PUSL1: variants seen among roughly 807,000 people sequenced by gnomAD.
PUSL1 encodes the protein pseudouridine synthase like 1, also known as tRNA pseudouridine synthase-like 1.
PUSL1 carries 51 observed loss-of-function variants against 30.7 expected under a neutral mutation model. The ratio of observed to expected loss-of-function variants is 1.66; its 90% CI spans 1.33 to 2.10. The LOEUF (loss-of-function observed/expected upper bound fraction) is 2.10, where lower values mean the gene tolerates loss of function less well. Ranked by LOEUF, PUSL1 falls within the 30% of genes most tolerant of loss-of-function variation. PUSL1 has a pLI of 0.00. For synonymous variants in PUSL1, 290 were observed against 192.1 expected (o/e 1.51, Z -4.21); for missense variants, 609 against 427.6 (o/e 1.42, Z -3.74).
At chr1:1,310,609 C>A in intron 5 of PUSL1, 25 bp from the exon 6 acceptor site, 1 of 1,525,078 alleles carries the variant, frequency 6.6e-7, no homozygotes, top group Non-Finnish European at 8.9e-7. Context: ...GCCCCACAGA[C>A]ACCTACAGGT....
At chr1:1,310,419 G>C (rs1194246674) in intron 5 of PUSL1, 11 of 568,188 alleles carry the variant, frequency 1.9e-5, no homozygotes, top group Middle Eastern at 9.3e-4. Flanking sequence ...CCAGGGTCCT[G>C]CTGCCTCCTT....
intron 1 of PUSL1, 30 bp from the exon 2 acceptor site, chr1:1,308,885 C>T: frequency 7.1e-7 from 1 of 1,412,908 alleles, no homozygotes; most frequent in Non-Finnish European, 9.2e-7. Flanking sequence ...CAGGGCGCCC[C>T]CGGTAACCTC....
intron 6 of PUSL1, 76 bp downstream of exon 6, chr1:1,310,764 G>A (rs1215123651): frequency 1.9e-6 from 3 of 1,612,700 alleles, no homozygotes; most frequent in African/African-American, 1.3e-5. Flanking sequence ...TTGGCTCTGG[G>A]TCGTGGGCGG....
chr1:1,311,294 T>C, intron 7 of PUSL1, 36 bp from the exon 8 acceptor site: 4 of 1,515,906 alleles, frequency 2.6e-6, no homozygotes, highest in Non-Finnish European at 3.5e-6. Context: ...GGGCCGGTCT[T>C]GCCCCAGGCT....
At chr1:1,308,743 C>T (rs540357801) in intron 1 of PUSL1, 23 bp downstream of exon 1, 3 of 1,511,916 alleles carry the variant, frequency 2.0e-6, no homozygotes, top group Admixed American at 2.1e-5. Context: ...GGCGCAGCGG[C>T]GGGCGCCACG....
Position 1,309,910 on chromosome 1 carries a change from C to T in PUSL1, c.644+59C>T, listed in dbSNP as rs550336406. ...TCAAGTCACGTGCTGATTTTAGCTC[C>T]AGCACCTCCCCCAGTTTTAAGGCAA... On this transcript the variant is annotated intron_variant, in intron 5 of 7. Coordinates refer to ENST00000379031, the MANE Select transcript of PUSL1 (RefSeq NM_153339.3). 4.2e-5 allele frequency: 55 copies of T among 1,319,846 alleles called. 1 individual carries two copies. In the South Asian group the frequency reaches 5.7e-4, roughly 14 times the overall value. 81.8% of individuals were successfully genotyped at this position (1,319,846 alleles called of 1,614,324 possible).
At position 1,310,923 on chromosome 1, in the gene PUSL1, G is replaced by T; in HGVS notation, c.714G>T (p.Thr238=). 6.2e-7 allele frequency: 1 copy of T among 1,608,134 alleles called. No individual in the cohort carries two copies. Residue 238 remains threonine (T), a synonymous_variant, in exon 7 of 8, where the codon ACG becomes ACT. Coordinates refer to ENST00000379031, the MANE Select transcript of PUSL1 (RefSeq NM_153339.3). ...CTGGGTCACAGGTACGGAGGATGAC[G>T]GCTGTGCTGGTGGCCGTGGGGCTGG... The part of the protein sequence containing the change: ...SFLYRQVRRM[T]AVLVAVGLGA...
At chr1:1,309,350 G>C (rs1020461126) in intron 3 of PUSL1, 77 bp downstream of exon 3, 1 of 1,465,568 alleles carries the variant, frequency 6.8e-7, no homozygotes, top group African/African-American at 1.4e-5. Context: ...TGGAGATCTG[G>C]ACAGACTTCC....
In PUSL1 at chr1:1,308,677, G is replaced by C; in HGVS notation, c.34G>C (p.Ala12Pro). The change falls in exon 1 of 8, where the codon GCG (alanine) becomes CCG (proline). Residue 12 changes from alanine to proline, a missense_variant. Transcript: ENST00000379031. The part of the protein sequence containing the change: ...SSAPASGSVR[A>P]RYLVYFQYVG... Reference sequence around the variant, plus strand: ...GGCGCCGGCCTCAGGCTCCGTGCGCGCGCGCTATCTTGTGTACTTCCAGTA... The same window carrying C: ...GGCGCCGGCCTCAGGCTCCGTGCGCCCGCGCTATCTTGTGTACTTCCAGTA... 1 of 1,548,498 alleles carries C rather than the reference G, an allele frequency of 6.5e-7. No individual in the cohort carries two copies. Among genetic ancestry groups the C allele is most frequent in the Non-Finnish European group, 8.7e-7 (1 of 1,151,434 alleles).
Position 1,308,630 on chromosome 1 carries a change from G to A in PUSL1, c.-14G>A, listed in dbSNP as rs1462193808. The A allele has an allele frequency of 2.1e-6, 3 of 1,432,646 alleles. No individual in the cohort carries two copies. The highest frequency in any genetic ancestry group is 2.7e-6 in the Non-Finnish European group (3 of 1,093,170). 88.7% of individuals were successfully genotyped at this position (1,432,646 alleles called of 1,614,324 possible). A position where few individuals can be genotyped will look rare whatever the true frequency, so the allele number is the denominator to read the frequency against. ...GCTGGAGGCCGCCTCTGACGCCACC[G>A]GCTGGGCTCCGCCATGAGTTCGGCG... On this transcript the variant is annotated 5_prime_UTR_variant, in exon 1 of 8. Transcript: ENST00000379031.
Position 1,309,607 on chromosome 1 carries a change from A to T in PUSL1, c.473+4A>T, listed in dbSNP as rs374519470. On this transcript the variant is annotated splice_donor_region_variant and intron_variant, in intron 4 of 7. Coordinates refer to ENST00000379031, the MANE Select transcript of PUSL1 (RefSeq NM_153339.3). ...TATGCTGGACTCTCCCGGCAGAGTG[A>T]GTGTGGCCCTGACAGCGGGGAGGGG... 6.2e-6 allele frequency: 10 copies of T among 1,605,732 alleles called. No homozygotes were observed. Among genetic ancestry groups the T allele is most frequent in the South Asian group, 2.2e-5 (2 of 90,952 alleles).
rs1642108648 is a variant in PUSL1, at chr1:1,311,001, G to A, written c.792G>A (p.Leu264=). 6.2e-7 allele frequency: 1 copy of A among 1,612,698 alleles called. No individual in the cohort carries two copies. The highest frequency in any genetic ancestry group is 1.1e-5 in the South Asian group (1 of 91,086). The change falls in exon 7 of 8, where the codon CTG becomes CTA. Residue 264 remains leucine (L), a synonymous_variant. Transcript: ENST00000379031. ...CGATTCTGGAGAGCCAAGATCCCCTGGGCAAGCACCAGACACGTGTAGCCC... is the reference window on the plus strand; with the variant it reads ...CGATTCTGGAGAGCCAAGATCCCCTAGGCAAGCACCAGACACGTGTAGCCC... ...VKTILESQDP[L]GKHQTRVAPA...
Position 1,311,527 on chromosome 1 carries a change from C to T in PUSL1, c.*148C>T, listed in dbSNP as rs77848783. On this transcript the variant is annotated 3_prime_UTR_variant, in exon 8 of 8. Transcript: ENST00000379031. ...CCCGGGTCCCAGCACCCTGGATGCC[C>T]GTCTCTGTCCCAGGCGGGATGGGGC... 1.1e-3 allele frequency: 940 copies of T among 838,622 alleles called. 7 individuals are homozygous for T. The African/African-American group carries it at 0.013, about 12-fold the overall frequency. 51.9% of individuals were successfully genotyped at this position (838,622 alleles called of 1,614,324 possible). A position where few individuals can be genotyped will look rare whatever the true frequency, so the allele number is the denominator to read the frequency against.
chr1:1,309,811 C>G lies in PUSL1; in HGVS notation c.604C>G (p.Pro202Ala). ...AACGCTGCGCCGGGTCTCCGTTTCC[C>G]CAGGCCAAGCCAGCCCCTTGGTCAC... ...VRTLRRVSVS[P>A]GQASPLVTPE... The change falls in exon 5 of 8, where the codon CCA becomes GCA. Residue 202 changes from proline (P) to alanine (A), a missense_variant. Coordinates refer to ENST00000379031, the MANE Select transcript of PUSL1 (RefSeq NM_153339.3). The G allele has an allele frequency of 1.2e-5, 18 of 1,549,070 alleles. No individual in the cohort carries two copies. Among genetic ancestry groups the G allele is most frequent in the Non-Finnish European group, 1.6e-5 (18 of 1,145,794 alleles).
At position 1,309,585 on chromosome 1, in the gene PUSL1, G is replaced by A. The variant is rs371253444; in HGVS notation, c.455G>A (p.Cys152Tyr). Residue 152 changes from cysteine to tyrosine, a missense_variant, in exon 4 of 8, where the codon TGC (cysteine) becomes TAC (tyrosine). By Grantham distance (194) the Cys-to-Tyr change is radical. Coordinates refer to ENST00000379031, the MANE Select transcript of PUSL1 (RefSeq NM_153339.3). ...CTGCCGGTGTTTGAACGCAACCTAT[G>A]CTGGACTCTCCCGGCAGAGTGAGTG... is the stretch of plus-strand genomic sequence containing the variant. ...DELPVFERNL[C>Y]WTLPADCLDM... 1.9e-6 allele frequency: 3 copies of A among 1,611,734 alleles called. No homozygotes were observed. The highest frequency in any genetic ancestry group is 2.5e-6 in the Non-Finnish European group (3 of 1,179,512).
rs751284810 is a variant in PUSL1 at position 1,310,602 on chromosome 1, C to T, written c.645-32C>T. On this transcript the variant is annotated intron_variant, in intron 5 of 7. Transcript: ENST00000379031. ...TAGGCTGAGGATGGCAAACACTGCCCCACAGACACCTACAGGTACGTATTT... is the reference window on the plus strand; with the variant it reads ...TAGGCTGAGGATGGCAAACACTGCCTCACAGACACCTACAGGTACGTATTT... The T allele has an allele frequency of 8.0e-6, 12 of 1,499,676 alleles. No individual in the cohort carries two copies. The African/African-American group carries it at 1.1e-4, about 14-fold the overall frequency. 92.9% of individuals were successfully genotyped at this position (1,499,676 alleles called of 1,614,324 possible).
chr1:1,311,043 C>T lies in PUSL1; in HGVS notation c.834C>T (p.Phe278=), dbSNP rs775514736. The T allele has an allele frequency of 6.3e-5, 101 of 1,611,590 alleles. No individual in the cohort carries two copies. The highest frequency in any genetic ancestry group is 8.0e-5 in the African/African-American group (6 of 74,876). ...GTGTAGCCCCAGCCCACGGCTTATTCCTCAAGTCAGTGCTGTACGGGAACC... is the reference window on the plus strand; with the variant it reads ...GTGTAGCCCCAGCCCACGGCTTATTTCTCAAGTCAGTGCTGTACGGGAACC... ...QTRVAPAHGL[F]LKSVLYGNLG... is the part of the protein sequence containing the mutation. The change falls in exon 7 of 8, where the codon TTC becomes TTT. Residue 278 remains phenylalanine, a synonymous_variant. Transcript: ENST00000379031.
chr1:1,309,098 C>G lies in PUSL1; in HGVS notation c.148C>G (p.Arg50Gly), dbSNP rs924986687. ...VQNYLEEAAE[R>G]LNSVEPVRFT... Reference sequence around the variant, plus strand: ...CTCGGTCCTGCAGGAGGCCGCCGAGCGGCTGAATTCCGTGGAGCCGGTCAG... The same window carrying G: ...CTCGGTCCTGCAGGAGGCCGCCGAGGGGCTGAATTCCGTGGAGCCGGTCAG... The change falls in exon 3 of 8, where the codon CGG (arginine) becomes GGG (glycine). Residue 50 changes from arginine (R) to glycine (G), a missense_variant. Coordinates refer to ENST00000379031, the MANE Select transcript of PUSL1 (RefSeq NM_153339.3). 7 of 1,494,538 alleles carry G rather than the reference C, an allele frequency of 4.7e-6. No individual in the cohort carries two copies. The highest frequency in any genetic ancestry group is 1.5e-5 in the African/African-American group (1 of 68,930). 92.6% of individuals were successfully genotyped at this position (1,494,538 alleles called of 1,614,324 possible). A position where few individuals can be genotyped will look rare whatever the true frequency, so the allele number is the denominator to read the frequency against.
chr1:1,309,383 G>A (rs1338752126), intron 3 of PUSL1, 71 bp from the exon 4 acceptor site: 23 of 1,502,424 alleles, frequency 1.5e-5, no homozygotes, highest in Non-Finnish European at 1.8e-5. Context: ...AGCTCGAGGG[G>A]GAAGGAGAGC....
Sources: gnomAD v4.1 joint callset for allele counts on GRCh38, gnomAD v4.1.1 for gene constraint, MANE v1.5 for transcripts, NCBI Gene and HGNC (gene_info 2026-07-23, HGNC 2026-07-21) for gene names.